The following FRMD4A variants were observed in gnomAD, a reference collection of about 807,000 sequenced individuals.
FRMD4A encodes FERM domain containing 4A, also known as FERM domain-containing protein 4A.
In FRMD4A, 29 loss-of-function variants were observed where a neutral mutation model predicts 129.1. That is an observed-to-expected ratio of 0.22 (90% CI 0.17 to 0.31). FRMD4A has a LOEUF of 0.31. Among genes scored for constraint, FRMD4A ranks in the 10% least tolerant of loss-of-function variants. FRMD4A has a pLI of 1.00. For missense variants in FRMD4A, 1,272 were observed against 1,375.8 expected, an observed-to-expected ratio of 0.92 and a Z score of 1.19; for synonymous variants, 634 against 571.6, an observed-to-expected ratio of 1.11 and a Z score of -1.56.
chr10:13,700,780 C>T (rs2086735708), intron 14 of FRMD4A, among the ~76,000 whole-genome samples: 1 of 149,304 alleles, frequency 6.7e-6, no homozygotes, highest in Non-Finnish European at 1.5e-5. Context: ...TTTACCAAGG[C>T]CCCAGGCTCT....
chr10:13,905,634 A>G (rs2094874025), intron 2 of FRMD4A, among the ~76,000 whole-genome samples: 1 of 152,196 alleles, frequency 6.6e-6, no homozygotes, highest in South Asian at 2.1e-4. Context: ...CATTACACGC[A>G]TTATCTATAA....
intron 2 of FRMD4A, among the ~76,000 whole-genome samples, chr10:14,063,130 G>T (rs1194000145): frequency 2.0e-5 from 3 of 151,922 alleles, no homozygotes; most frequent in African/African-American, 7.3e-5. Context: ...AAGAAGCAGA[G>T]AACGTATTTT....
chr10:13,691,402 G>A (rs565284256), intron 15 of FRMD4A, among the ~76,000 whole-genome samples: 1 of 152,292 alleles, frequency 6.6e-6, no homozygotes, highest in South Asian at 2.1e-4. Flanking sequence ...GGTGCCCCCT[G>A]GAGTCTGCCA....
At chr10:13,771,797 C>T (rs80196129) in intron 6 of FRMD4A, among the ~76,000 whole-genome samples, 10,463 of 152,046 alleles carry the variant, frequency 0.069, 473 homozygotes, top group East Asian at 0.26. Context: ...AGTGCATTGC[C>T]AGCTGGGTGC....
intron 2 of FRMD4A, among the ~76,000 whole-genome samples, chr10:14,021,686 C>A (rs948069553): frequency 1.3e-5 from 2 of 152,128 alleles, no homozygotes; most frequent in African/African-American, 4.8e-5. Flanking sequence ...AGTCCTCACT[C>A]ACAATATTTC....
At chr10:13,964,010 C>G (rs1228178561) in intron 2 of FRMD4A, among the ~76,000 whole-genome samples, 2 of 150,046 alleles carry the variant, frequency 1.3e-5, no homozygotes, top group Non-Finnish European at 1.5e-5. Context: ...ATGAAACATT[C>G]AAGGGCATTC....
At chr10:14,275,523 G>C (rs567955622) in intron 2 of FRMD4A, among the ~76,000 whole-genome samples, 2 of 152,196 alleles carry the variant, frequency 1.3e-5, no homozygotes, top group Non-Finnish European at 2.9e-5. Context: ...TGCAAAGAAA[G>C]GGAGAAAGGA....
At chr10:13,735,683 A>G (rs1008916822) in intron 12 of FRMD4A, among the ~76,000 whole-genome samples, 1 of 152,238 alleles carries the variant, frequency 6.6e-6, no homozygotes. Context: ...GGGAGAAGAG[A>G]TTTCAACTGC....
chr10:14,151,583 A>G (rs1281363774), intron 2 of FRMD4A, among the ~76,000 whole-genome samples: 1 of 152,160 alleles, frequency 6.6e-6, no homozygotes, highest in African/African-American at 2.4e-5. Context: ...TGGGAGTCCA[A>G]TCCCCCCTTT....
chr10:14,103,162 A>G (rs1837401089), intron 2 of FRMD4A, among the ~76,000 whole-genome samples: 1 of 152,214 alleles, frequency 6.6e-6, no homozygotes, highest in African/African-American at 2.4e-5. Context: ...GCTGAAGTGA[A>G]GAGATGGCCA....
chr10:13,650,125 T>C (rs553300145), intron 24 of FRMD4A, among the ~76,000 whole-genome samples: 1 of 152,302 alleles, frequency 6.6e-6, no homozygotes, highest in East Asian at 1.9e-4. Flanking sequence ...AGATGGCAAA[T>C]TCACCCACAT....
chr10:13,842,908 T>C (rs2093989314), intron 3 of FRMD4A, among the ~76,000 whole-genome samples: 1 of 152,170 alleles, frequency 6.6e-6, no homozygotes, highest in South Asian at 2.1e-4. Flanking sequence ...TCTTATTATG[T>C]AAATGAAGGC....
At chr10:14,217,625 C>T (rs1843115405) in intron 2 of FRMD4A, among the ~76,000 whole-genome samples, 1 of 152,126 alleles carries the variant, frequency 6.6e-6, no homozygotes, top group Admixed American at 6.6e-5. Context: ...AAGAATTCAA[C>T]CACCCACCAG....
At chr10:13,722,399 T>C (rs78886578) in intron 12 of FRMD4A, among the ~76,000 whole-genome samples, 3 of 150,800 alleles carry the variant, frequency 2.0e-5, no homozygotes, top group Admixed American at 2.0e-4. Context: ...ACTCGGCTAA[T>C]TAAAAAAAAA....
At chr10:14,211,058 T>C (rs566684261) in intron 2 of FRMD4A, among the ~76,000 whole-genome samples, 49 of 152,304 alleles carry the variant, frequency 3.2e-4, no homozygotes, top group African/African-American at 1.2e-3. Flanking sequence ...TTTTATCTTA[T>C]GGGGGAAAGA....
intron 23 of FRMD4A, 24 bp from the exon 24 acceptor site, chr10:13,651,998 G>A: frequency 7.3e-7 from 1 of 1,361,250 alleles, no homozygotes; most frequent in African/African-American, 1.4e-5. Context: ...AGCAGGAGGA[G>A]GAAGAGAAGA....
chr10:13,993,501 C>T (rs935472193), intron 2 of FRMD4A, among the ~76,000 whole-genome samples: 8 of 152,192 alleles, frequency 5.3e-5, no homozygotes, highest in East Asian at 3.9e-4. Flanking sequence ...TAGGACCACA[C>T]ACTGCTGGTC....
At chr10:14,093,992 A>G (rs1307126093) in intron 2 of FRMD4A, among the ~76,000 whole-genome samples, 1 of 152,264 alleles carries the variant, frequency 6.6e-6, no homozygotes, top group Non-Finnish European at 1.5e-5. Flanking sequence ...TTGCCTTGTC[A>G]AATGATAATG....
chr10:14,194,818 A>G (rs1370649739), intron 2 of FRMD4A, among the ~76,000 whole-genome samples: 3 of 151,714 alleles, frequency 2.0e-5, no homozygotes, highest in African/African-American at 4.8e-5. Context: ...TATTATTATC[A>G]TATTATATCA....
Sources: gnomAD v4.1 joint callset for allele counts (sites outside exome capture counted in the v4.1 genomes callset) on GRCh38, gnomAD v4.1.1 for gene constraint, MANE v1.5 for transcripts, NCBI Gene and HGNC (gene_info 2026-07-23, HGNC 2026-07-21) for gene names.